Variants in B3GALT1 observed in about 807,000 individuals in gnomAD.
B3GALT1 encodes the protein beta-1,3-galactosyltransferase 1.
B3GALT1 carries 10 observed loss-of-function variants against 23.2 expected under a neutral mutation model. The ratio of observed to expected loss-of-function variants is 0.43; its 90% CI spans 0.27 to 0.73. B3GALT1 has a LOEUF of 0.73. Among genes scored for constraint, B3GALT1 ranks in the 30% least tolerant of loss-of-function variants. The pLI is 0.21. For missense variants in B3GALT1, 299 were observed against 405.4 expected, an observed-to-expected ratio of 0.74 and a Z score of 2.25; for synonymous variants, 156 against 141.5, an observed-to-expected ratio of 1.10 and a Z score of -0.73.
chr2:167,538,199 A>T (rs758742729), intron 2 of B3GALT1, among the ~76,000 whole-genome samples: 20 of 152,098 alleles, frequency 1.3e-4, no homozygotes, highest in Non-Finnish European at 2.5e-4. Context: ...ACGTCATATT[A>T]ACTTAGATCT....
chr2:167,405,215 A>G (rs951273643), intron 1 of B3GALT1, among the ~76,000 whole-genome samples: 13 of 152,298 alleles, frequency 8.5e-5, no homozygotes, highest in South Asian at 2.1e-4. Context: ...TTAAGTATCT[A>G]TAAGTATAAA....
At chr2:167,415,369 G>A (rs1283771696) in intron 1 of B3GALT1, among the ~76,000 whole-genome samples, 1 of 152,130 alleles carries the variant, frequency 6.6e-6, no homozygotes, top group Admixed American at 6.5e-5. Context: ...TCCCTGATGT[G>A]GCCCCTTGAC....
chr2:167,697,316 C>T (rs1040254172), intron 3 of B3GALT1, among the ~76,000 whole-genome samples: 2 of 152,144 alleles, frequency 1.3e-5, no homozygotes, highest in East Asian at 3.9e-4. Context: ...CATGAATGCC[C>T]ATGCAATTGT....
intron 4 of B3GALT1, among the ~76,000 whole-genome samples, chr2:167,866,990 A>G (rs1020018127): frequency 5.3e-5 from 8 of 151,952 alleles, no homozygotes; most frequent in East Asian, 3.9e-4. Flanking sequence ...GCAGTGGCGC[A>G]ATCTCAGCTC....
chr2:167,380,293 A>G (rs1176098863), intron 1 of B3GALT1, among the ~76,000 whole-genome samples: 1 of 152,132 alleles, frequency 6.6e-6, no homozygotes, highest in Non-Finnish European at 1.5e-5. Flanking sequence ...CTGCACCATG[A>G]ACTCAGGAGA....
At chr2:167,784,211 C>T (rs766443747) in intron 3 of B3GALT1, among the ~76,000 whole-genome samples, 1 of 152,208 alleles carries the variant, frequency 6.6e-6, no homozygotes, top group Non-Finnish European at 1.5e-5. Flanking sequence ...TACCCAGCCA[C>T]CCCCATCACT....
chr2:167,337,598 A>C (rs1697079131), intron 1 of B3GALT1, among the ~76,000 whole-genome samples: 2 of 151,874 alleles, frequency 1.3e-5, no homozygotes, highest in Admixed American at 1.3e-4. Flanking sequence ...AAAAAAACAC[A>C]CAACAAAGAA....
intron 1 of B3GALT1, among the ~76,000 whole-genome samples, chr2:167,326,972 G>A (rs965592971): frequency 6.6e-5 from 10 of 152,098 alleles, no homozygotes; most frequent in Admixed American, 5.9e-4. Context: ...TTACAGGCAT[G>A]AGCCAGGATG....
chr2:167,828,780 G>A (rs1161322095), intron 4 of B3GALT1, among the ~76,000 whole-genome samples: 10 of 152,186 alleles, frequency 6.6e-5, no homozygotes, highest in Non-Finnish European at 1.0e-4. Flanking sequence ...TTGTTCTGTA[G>A]GATCTTCATT....
intron 2 of B3GALT1, among the ~76,000 whole-genome samples, chr2:167,513,188 A>T (rs1410076356): frequency 6.6e-6 from 1 of 151,920 alleles, no homozygotes; most frequent in Non-Finnish European, 1.5e-5. Context: ...AGCCATGTAT[A>T]AAATAACAGA....
Position 167,871,078 on chromosome 2 carries a change from A to G in B3GALT1, c.*1058A>G, listed in dbSNP as rs763746235. 1 of 152,552 alleles carries G rather than the reference A, an allele frequency of 6.6e-6. No homozygotes were observed. Among genetic ancestry groups the G allele is most frequent in the Non-Finnish European group, 1.5e-5 (1 of 68,032 alleles). 9.4% of individuals were successfully genotyped at this position (152,552 alleles called of 1,614,324 possible). A position where few individuals can be genotyped will look rare whatever the true frequency, so the allele number is the denominator to read the frequency against. On this transcript the variant is annotated 3_prime_UTR_variant, in exon 5 of 5. Transcript: ENST00000392690. ...TGCTAACATCTGAAAACACCAGAGCATGTTCAGCAGCAATGCTGTTATGAG... is the reference window on the plus strand; with the variant it reads ...TGCTAACATCTGAAAACACCAGAGCGTGTTCAGCAGCAATGCTGTTATGAG...
At chr2:167,551,030 G>A (rs139101552) in intron 2 of B3GALT1, among the ~76,000 whole-genome samples, 1 of 135,860 alleles carries the variant, frequency 7.4e-6, no homozygotes, top group Non-Finnish European at 1.5e-5. Flanking sequence ...TTCTGCACAT[G>A]AGAAAAGATG....
chr2:167,577,830 T>C (rs575196056), intron 2 of B3GALT1, among the ~76,000 whole-genome samples: 157 of 151,760 alleles, frequency 1.0e-3, no homozygotes, highest in African/African-American at 3.7e-3. Flanking sequence ...ATTACTAAAA[T>C]TAACCTAGCT....
intron 3 of B3GALT1, among the ~76,000 whole-genome samples, chr2:167,776,601 G>A (rs933563750): frequency 6.6e-6 from 1 of 152,170 alleles, no homozygotes. Flanking sequence ...TGGACAGGCC[G>A]AGAACTCCAC....
chr2:167,513,716 A>G (rs1700062034), intron 2 of B3GALT1, among the ~76,000 whole-genome samples: 1 of 152,150 alleles, frequency 6.6e-6, no homozygotes, highest in Non-Finnish European at 1.5e-5. Flanking sequence ...TTTATTATAT[A>G]CTGTTCTTTT....
intron 4 of B3GALT1, among the ~76,000 whole-genome samples, chr2:167,852,902 G>A (rs1172427174): frequency 6.6e-6 from 1 of 152,144 alleles, no homozygotes; most frequent in Non-Finnish European, 1.5e-5. Flanking sequence ...GTGCTAGTAT[G>A]CTGAGGCAAA....
At chr2:167,378,754 A>G (rs969373369) in intron 1 of B3GALT1, among the ~76,000 whole-genome samples, 1 of 151,868 alleles carries the variant, frequency 6.6e-6, no homozygotes, top group African/African-American at 2.4e-5. Flanking sequence ...TTGATTTTCA[A>G]CCTTGTCTTG....
At chr2:167,453,048 C>A (rs1389246505) in intron 1 of B3GALT1, among the ~76,000 whole-genome samples, 1 of 152,154 alleles carries the variant, frequency 6.6e-6, no homozygotes, top group Non-Finnish European at 1.5e-5. Context: ...AAGTATATAT[C>A]TTTGTTAGCT....
intron 2 of B3GALT1, among the ~76,000 whole-genome samples, chr2:167,553,933 A>G (rs1217195993): frequency 6.6e-6 from 1 of 152,210 alleles, no homozygotes; most frequent in Non-Finnish European, 1.5e-5. Context: ...ACATTTAGTC[A>G]ACAACTGTAC....
Sources: allele counts gnomAD v4.1 joint callset (sites outside exome capture counted in the v4.1 genomes callset), GRCh38; gene constraint gnomAD v4.1.1; transcripts MANE v1.5; gene names NCBI Gene and HGNC (gene_info 2026-07-23, HGNC 2026-07-21).